PLPP3: variants seen among roughly 807,000 people sequenced by gnomAD.
PLPP3 encodes PAP2 beta.
PLPP3 carries 6 observed loss-of-function variants against 29.6 expected under a neutral mutation model. The observed-to-expected ratio is 0.20, with a 90% CI of 0.11 to 0.40. The LOEUF is 0.40. Ranked by LOEUF, PLPP3 falls within the 10% of genes least tolerant of loss-of-function variation. The pLI is 1.00. For missense variants in PLPP3, 308 were observed against 407.7 expected, an observed-to-expected ratio of 0.76 and a Z score of 2.11; for synonymous variants, 152 against 159.7, an observed-to-expected ratio of 0.95 and a Z score of 0.36.
rs555547556 is a variant in PLPP3 at position 56,522,775 on chromosome 1, T to C, written c.633+1048A>G. On this transcript the variant is annotated intron_variant, in intron 4 of 5. Transcript: ENST00000371250. ...TCAAAATGTTCTTTTTTCAAACAGC[T>C]TGTGCTCCTCTGAGCTATGTCTGAC... Among the ~76,000 whole-genome samples, 16 of 152,366 alleles carry C rather than the reference T, an allele frequency of 1.1e-4. No homozygotes were observed. The East Asian group carries it at 3.1e-3, about 29-fold the overall frequency.
intron 1 of PLPP3, among the ~76,000 whole-genome samples, chr1:56,571,367 T>C (rs886732509): frequency 1.3e-5 from 2 of 152,208 alleles, no homozygotes; most frequent in African/African-American, 2.4e-5. Context: ...TTATGAGGCA[T>C]CACAGAGATC....
intron 1 of PLPP3, among the ~76,000 whole-genome samples, chr1:56,567,926 G>A (rs978536836): frequency 2.0e-5 from 3 of 152,186 alleles, no homozygotes; most frequent in Non-Finnish European, 4.4e-5. Flanking sequence ...AAAATGAAAT[G>A]TGTTATGTCT....
chr1:56,550,030 T>G (rs563124689), intron 1 of PLPP3, among the ~76,000 whole-genome samples: 2 of 152,072 alleles, frequency 1.3e-5, no homozygotes. Flanking sequence ...CACAGAGAAG[T>G]AGGCCAGAAA....
rs755224791 is a variant in PLPP3, at chr1:56,496,691, C to T, written c.811-15G>A. On this transcript the variant is annotated splice_polypyrimidine_tract_variant and intron_variant, in intron 5 of 5. Coordinates refer to ENST00000371250, the MANE Select transcript of PLPP3 (RefSeq NM_003713.5). Reference sequence around the variant, plus strand: ...ACGAAGAAAACCTAGAAGCACAAATCAGAGATCGAAGTCAGTAACTGACAT... The same window carrying T: ...ACGAAGAAAACCTAGAAGCACAAATTAGAGATCGAAGTCAGTAACTGACAT... 8 of 1,612,620 alleles carry T rather than the reference C, an allele frequency of 5.0e-6. No homozygotes were observed. Among genetic ancestry groups the T allele is most frequent in the Non-Finnish European group, 6.8e-6 (8 of 1,179,398 alleles).
intron 1 of PLPP3, among the ~76,000 whole-genome samples, chr1:56,563,929 A>G (rs1646145839): frequency 2.0e-5 from 3 of 152,258 alleles, no homozygotes; most frequent in Admixed American, 6.5e-5. Context: ...ACGGATTTAC[A>G]AAGAAACAGG....
At chr1:56,530,274 C>T (rs1255827327) in intron 2 of PLPP3, among the ~76,000 whole-genome samples, 1 of 144,018 alleles carries the variant, frequency 6.9e-6, no homozygotes, top group Non-Finnish European at 1.5e-5. Context: ...TGGCTTTCTG[C>T]TGTGATCTCA....
intron 5 of PLPP3, among the ~76,000 whole-genome samples, chr1:56,503,731 T>C (rs1024486286): frequency 6.6e-6 from 1 of 152,196 alleles, no homozygotes; most frequent in East Asian, 1.9e-4. Flanking sequence ...AAGGCTTACA[T>C]GGAATATATG....
At chr1:56,578,490 C>T (rs1646252413) in intron 1 of PLPP3, among the ~76,000 whole-genome samples, 1 of 152,190 alleles carries the variant, frequency 6.6e-6, no homozygotes, top group Non-Finnish European at 1.5e-5. Context: ...CCATTTCACT[C>T]GGATGGAGGG....
At chr1:56,519,777 A>G (rs1016739201) in intron 4 of PLPP3, among the ~76,000 whole-genome samples, 2 of 151,730 alleles carry the variant, frequency 1.3e-5, no homozygotes, top group African/African-American at 4.8e-5. Context: ...ACTTGCATTA[A>G]TCTCTAACAA....
At chr1:56,562,915 T>G (rs528869265) in intron 1 of PLPP3, among the ~76,000 whole-genome samples, 49 of 152,194 alleles carry the variant, frequency 3.2e-4, no homozygotes, top group Non-Finnish European at 6.2e-4. Flanking sequence ...CTGGGAGAGA[T>G]AGGCAGTGGA....
intron 5 of PLPP3, among the ~76,000 whole-genome samples, chr1:56,506,771 A>T (rs1182297236): frequency 6.6e-6 from 1 of 151,330 alleles, no homozygotes; most frequent in Non-Finnish European, 1.5e-5. Flanking sequence ...TGTAGGCGGG[A>T]GGGGGCTGGG....
chr1:56,552,259 T>G (rs1016980982), intron 1 of PLPP3, among the ~76,000 whole-genome samples: 1 of 150,080 alleles, frequency 6.7e-6, no homozygotes. Context: ...GAGAGATAGA[T>G]AGATAGACTG....
chr1:56,529,913 T>C (rs892818074), intron 2 of PLPP3, among the ~76,000 whole-genome samples: 5 of 152,106 alleles, frequency 3.3e-5, no homozygotes, highest in African/African-American at 9.7e-5. Context: ...ACAGAAGTTA[T>C]TTATGGTTGA....
chr1:56,512,364 C>G, intron 4 of PLPP3: 1 of 485,502 alleles, frequency 2.1e-6, no homozygotes. Context: ...GTAATCCCAG[C>G]ACTTCGTGTG....
intron 1 of PLPP3, among the ~76,000 whole-genome samples, chr1:56,538,218 C>T (rs544132035): frequency 6.6e-6 from 1 of 152,300 alleles, no homozygotes; most frequent in African/African-American, 2.4e-5. Flanking sequence ...TCATGCTCTG[C>T]TGCTCCTCTT....
At chr1:56,521,322 T>C (rs1645818358) in intron 4 of PLPP3, among the ~76,000 whole-genome samples, 1 of 151,490 alleles carries the variant, frequency 6.6e-6, no homozygotes, top group Non-Finnish European at 1.5e-5. Flanking sequence ...CTCTGTAATA[T>C]CACATAAACA....
At chr1:56,573,117 A>T (rs1646211748) in intron 1 of PLPP3, among the ~76,000 whole-genome samples, 1 of 152,232 alleles carries the variant, frequency 6.6e-6, no homozygotes, top group Non-Finnish European at 1.5e-5. Context: ...ACTCATGCAC[A>T]AACTTCAATA....
At chr1:56,537,620 C>T (rs775247523) in intron 1 of PLPP3, among the ~76,000 whole-genome samples, 9 of 152,134 alleles carry the variant, frequency 5.9e-5, no homozygotes, top group Non-Finnish European at 1.2e-4. Flanking sequence ...GTTCCCACTC[C>T]ATTTCCCTGA....
At chr1:56,520,924 A>AG (rs1355806784) in intron 4 of PLPP3, among the ~76,000 whole-genome samples, 1 of 148,916 alleles carries the variant, frequency 6.7e-6, no homozygotes. Flanking sequence ...AAAAAAAAAA[A>AG]AAAAAAAAAA....
Sources: allele counts gnomAD v4.1 joint callset (sites outside exome capture counted in the v4.1 genomes callset), GRCh38; gene constraint gnomAD v4.1.1; transcripts MANE v1.5; gene names NCBI Gene and HGNC (gene_info 2026-07-23, HGNC 2026-07-21).